The following TPTE2 variants were observed in gnomAD, a reference collection of about 807,000 sequenced individuals.
TPTE2 encodes phosphatidylinositol 3,4,5-trisphosphate 3-phosphatase TPTE2.
In TPTE2, 53 loss-of-function variants were observed where a neutral mutation model predicts 78.6. The observed-to-expected ratio is 0.67, with a 90% CI of 0.54 to 0.85. The LOEUF is 0.85. TPTE2 is among the 40% of genes least tolerant of loss of function. TPTE2 has a pLI of 0.00. For missense variants in TPTE2, 461 were observed against 623.0 expected (o/e 0.74, Z 2.77); for synonymous variants, 175 against 206.2 (o/e 0.85, Z 1.30).
At chr13:19,494,381 G>T (rs1881187033) in intron 1 of TPTE2, among the ~76,000 whole-genome samples, 1 of 151,886 alleles carries the variant, frequency 6.6e-6, no homozygotes, top group Admixed American at 6.6e-5. Flanking sequence ...TCACTGTTTT[G>T]TGTGTGTGTG....
intron 3 of TPTE2, among the ~76,000 whole-genome samples, chr13:19,487,977 G>A (rs1880758776): frequency 6.6e-6 from 1 of 152,176 alleles, no homozygotes; most frequent in South Asian, 2.1e-4. Flanking sequence ...GGGATCTTCT[G>A]CTTACCTTCA....
At chr13:19,464,617 A>G (rs1566051645) in intron 9 of TPTE2, 97 bp from the exon 13 acceptor site, 4 of 1,354,230 alleles carry the variant, frequency 3.0e-6, no homozygotes, top group Admixed American at 2.3e-5. Flanking sequence ...ATTTTCACAG[A>G]AAAAAAACTT....
intron 4 of TPTE2, among the ~76,000 whole-genome samples, chr13:19,481,465 A>C (rs1029101887): frequency 6.6e-6 from 1 of 152,178 alleles, no homozygotes; most frequent in Non-Finnish European, 1.5e-5. Context: ...TCCAGCTTTT[A>C]CTATAAATCC....
chr13:19,561,115 T>G, the TPTE2 span: 2 of 1,604,214 alleles, frequency 1.2e-6, no homozygotes, highest in African/African-American at 1.3e-5. Flanking sequence ...CCTTGTGGCC[T>G]GGGAGGCAGT....
Position 19,503,204 on chromosome 13 carries a change from C to A in TPTE2, c.11+20G>T. Reference sequence around the variant, plus strand: ...TCAGTTATAATTAGATAAATAAAGACACATGTATGCATAACTCACCTTTCA... The same window carrying A: ...TCAGTTATAATTAGATAAATAAAGAAACATGTATGCATAACTCACCTTTCA... On this transcript the variant is annotated intron_variant, in intron 1 of 19. Coordinates refer to ENST00000400230, the Ensembl canonical transcript of TPTE2. 4 of 1,613,476 alleles carry A rather than the reference C, an allele frequency of 2.5e-6. No individual in the cohort carries two copies. Among genetic ancestry groups the A allele is most frequent in the Non-Finnish European group, 2.5e-6 (3 of 1,179,568 alleles).
At chr13:19,431,904 G>GT (rs1421386556) in intron 16 of TPTE2, among the ~76,000 whole-genome samples, 2 of 110,928 alleles carry the variant, frequency 1.8e-5, no homozygotes, top group Non-Finnish European at 4.1e-5. Context: ...AGTGGGAGTG[G>GT]TGAGGCCCCA....
chr13:19,430,829 A>G (rs111637377), intron 16 of TPTE2, among the ~76,000 whole-genome samples: 1 of 152,172 alleles, frequency 6.6e-6, no homozygotes, highest in African/African-American at 2.4e-5. Context: ...TCCAGAAAAA[A>G]TATTTAGGGA....
At chr13:19,555,243 C>T in the TPTE2 span, among the ~76,000 whole-genome samples, 2 of 152,170 alleles carry the variant, frequency 1.3e-5, no homozygotes, top group Non-Finnish European at 2.9e-5. Context: ...CACCAACACT[C>T]TTTCTGTTAA....
At chr13:19,544,611 C>T in the TPTE2 span, among the ~76,000 whole-genome samples, 1 of 152,078 alleles carries the variant, frequency 6.6e-6, no homozygotes, top group Non-Finnish European at 1.5e-5. Context: ...AGATAAGCAG[C>T]CAGGCCAGGC....
At chr13:19,449,186 T>C (rs886792380) in intron 13 of TPTE2, among the ~76,000 whole-genome samples, 1 of 152,078 alleles carries the variant, frequency 6.6e-6, no homozygotes, top group Admixed American at 6.6e-5. Flanking sequence ...TTATTGTTAT[T>C]TTTTTAGATG....
At chr13:19,493,306 TGAA>T (rs1881114164) in intron 2 of TPTE2, 139 bp downstream of exon 5, 1 of 743,648 alleles carries the variant, frequency 1.3e-6, no homozygotes, top group African/African-American at 1.8e-5. Context: ...GTACGCGTGT[TGAA>T]GAGAAGTGTG....
At chr13:19,548,519 G>T in the TPTE2 span, among the ~76,000 whole-genome samples, 1 of 151,862 alleles carries the variant, frequency 6.6e-6, no homozygotes, top group Non-Finnish European at 1.5e-5. Flanking sequence ...GGATATGTAA[G>T]AATTGAAAAG....
Position 19,496,953 on chromosome 13 carries a change from G to A in TPTE2, c.12-3452C>T, listed in dbSNP as rs373576699. On this transcript the variant is annotated intron_variant, in intron 1 of 19. Coordinates refer to ENST00000400230, the Ensembl canonical transcript of TPTE2. ...GTCAGTGGGTGCGCGCACCGTGCGC[G>A]AGCCGAAGCAGGGCGAGGCATTGCC... Among the ~76,000 whole-genome samples, 81 of 152,302 alleles carry A rather than the reference G, an allele frequency of 5.3e-4. 2 individuals are homozygous for A. In the East Asian group the frequency reaches 8.8e-3, roughly 16 times the overall value.
the TPTE2 span, among the ~76,000 whole-genome samples, chr13:19,558,412 T>C: frequency 6.6e-6 from 1 of 152,236 alleles, no homozygotes; most frequent in African/African-American, 2.4e-5. Context: ...AACATAATTT[T>C]GGTAAACTAC....
At chr13:19,503,123 G>T in intron 1 of TPTE2, 101 bp downstream of exon 4, 1 of 1,521,776 alleles carries the variant, frequency 6.6e-7, no homozygotes, top group Non-Finnish European at 9.0e-7. Context: ...ATGGATGCAT[G>T]GATGCATGGA....
At chr13:19,538,232 T>C (rs146610460), upstream of TPTE2, among the ~76,000 whole-genome samples, 158 of 152,250 alleles carry the variant, frequency 1.0e-3, 2 homozygotes, top group East Asian at 0.028. Flanking sequence ...CTTTTTTTTT[T>C]CTTTTTGAGA....
At chr13:19,441,313 G>T (rs1223172223) in intron 13 of TPTE2, among the ~76,000 whole-genome samples, 3 of 151,780 alleles carry the variant, frequency 2.0e-5, no homozygotes, top group Non-Finnish European at 4.4e-5. Context: ...TAACTATTGG[G>T]TCCTGTGCTC....
chr13:19,518,724 C>T (rs1361110943), intron 1 of TPTE2, among the ~76,000 whole-genome samples: 2 of 152,212 alleles, frequency 1.3e-5, no homozygotes, highest in Non-Finnish European at 2.9e-5. Flanking sequence ...CCAGTTCCCA[C>T]TCCAACATGT....
upstream of TPTE2, among the ~76,000 whole-genome samples, chr13:19,505,262 T>C (rs1715789270): frequency 6.6e-6 from 1 of 152,034 alleles, no homozygotes; most frequent in South Asian, 2.1e-4. Flanking sequence ...TTCCTCAGCC[T>C]CCTGAGTAGA....
Sources: allele counts gnomAD v4.1 joint callset (sites outside exome capture counted in the v4.1 genomes callset), GRCh38; gene constraint gnomAD v4.1.1; transcripts MANE v1.5; gene names NCBI Gene and HGNC (gene_info 2026-07-23, HGNC 2026-07-21).